Variants in SGCD observed in about 807,000 individuals in gnomAD.
SGCD encodes sarcoglycan delta.
In SGCD, 18 loss-of-function variants were observed where a neutral mutation model predicts 36.6. The observed-to-expected ratio is 0.49, with a 90% CI of 0.34 to 0.73. The LOEUF is 0.73. Ranked by LOEUF, SGCD falls within the 30% of genes least tolerant of loss-of-function variation. SGCD has a pLI of 0.01. For missense variants in SGCD, 387 were observed against 346.7 expected (o/e 1.12, Z -0.92); for synonymous variants, 133 against 130.6 (o/e 1.02, Z -0.12).
chr5:156,414,337 G>A (rs1296072917), intron 3 of SGCD, among the ~76,000 whole-genome samples: 10 of 152,118 alleles, frequency 6.6e-5, no homozygotes, highest in Admixed American at 4.6e-4. Context: ...AATTTTAAAT[G>A]TCCATCAATT....
chr5:155,933,178 G>A (rs556836938), intron 1 of SGCD, among the ~76,000 whole-genome samples: 1 of 152,240 alleles, frequency 6.6e-6, no homozygotes, highest in African/African-American at 2.4e-5. Flanking sequence ...AGCCGTAGGG[G>A]TCTTCTTGGT....
At chr5:156,476,064 T>G (rs546571635) in intron 3 of SGCD, among the ~76,000 whole-genome samples, 1 of 152,282 alleles carries the variant, frequency 6.6e-6, no homozygotes, top group Admixed American at 6.5e-5. Flanking sequence ...TCATGACTAA[T>G]GCTGAGCAGG....
chr5:156,247,475 C>T (rs1258460575), intron 3 of SGCD, among the ~76,000 whole-genome samples: 1 of 151,984 alleles, frequency 6.6e-6, no homozygotes, highest in Non-Finnish European at 1.5e-5. Flanking sequence ...GTAGGGAAAC[C>T]AGGTGAGAGG....
chr5:155,909,291 T>G (rs1270804620), intron 1 of SGCD, among the ~76,000 whole-genome samples: 1 of 152,132 alleles, frequency 6.6e-6, no homozygotes, highest in East Asian at 1.9e-4. Flanking sequence ...ACCTTAAAAA[T>G]AGTTGGTTTG....
intron 3 of SGCD, among the ~76,000 whole-genome samples, chr5:156,305,022 T>C (rs186274547): frequency 1.3e-5 from 2 of 152,296 alleles, no homozygotes; most frequent in African/African-American, 4.8e-5. Context: ...CATTCAGTTT[T>C]ATAAAAGAAG....
In SGCD at chr5:156,692,388, C is replaced by A. The variant is rs144914383; in HGVS notation, c.575+44852C>A. 7.0e-4 allele frequency among the ~76,000 whole-genome samples: 106 copies of A among 152,318 alleles called. 1 individual carries two copies. The highest frequency in any genetic ancestry group is 2.5e-3 in the African/African-American group (103 of 41,568). On this transcript the variant is annotated intron_variant, in intron 7 of 8. Coordinates refer to ENST00000337851, the MANE Select transcript of SGCD (RefSeq NM_000337.6). ...AAGTGCTAGATATCTGCCATTCCTG[C>A]ATCAGCAGCATGATGGAGTGGGGAG...
At chr5:156,637,693 G>A (rs1288386494) in intron 6 of SGCD, among the ~76,000 whole-genome samples, 2 of 151,942 alleles carry the variant, frequency 1.3e-5, no homozygotes, top group African/African-American at 4.8e-5. Context: ...CTTGGCCAGG[G>A]GAAAGGGGGA....
chr5:155,818,779 C>T, the SGCD span, among the ~76,000 whole-genome samples: 1 of 152,146 alleles, frequency 6.6e-6, no homozygotes, highest in South Asian at 2.1e-4. Context: ...CCCTGGCCTC[C>T]CAACATAATG....
At chr5:156,423,873 C>G (rs1185625864) in intron 3 of SGCD, among the ~76,000 whole-genome samples, 1 of 151,912 alleles carries the variant, frequency 6.6e-6, no homozygotes, top group Non-Finnish European at 1.5e-5. Context: ...AGAATTGTAC[C>G]AAGGAGTAAG....
chr5:156,358,764 A>G (rs989167298), intron 3 of SGCD, among the ~76,000 whole-genome samples: 7 of 152,228 alleles, frequency 4.6e-5, no homozygotes, highest in Admixed American at 2.0e-4. Flanking sequence ...GATTGCACAG[A>G]TGTTAAAAAT....
chr5:156,168,058 C>T (rs1763254658), intron 3 of SGCD, among the ~76,000 whole-genome samples: 1 of 152,168 alleles, frequency 6.6e-6, no homozygotes, highest in African/African-American at 2.4e-5. Context: ...ACATACATGA[C>T]AGGAAGACTT....
the SGCD span, among the ~76,000 whole-genome samples, chr5:155,820,092 G>C: frequency 4.6e-5 from 7 of 152,106 alleles, no homozygotes; most frequent in Non-Finnish European, 1.0e-4. Context: ...TGAGAATAGG[G>C]AAAACCAGTT....
At chr5:156,444,107 T>TCC (rs1753641494) in intron 3 of SGCD, among the ~76,000 whole-genome samples, 1 of 102,320 alleles carries the variant, frequency 9.8e-6, no homozygotes, top group Non-Finnish European at 1.8e-5. Flanking sequence ...TCTCTCTCTC[T>TCC]CTCTCTCTCC....
chr5:156,079,033 A>AG lies in SGCD; in HGVS notation c.-281-38845_-281-38844insG, dbSNP rs1387331964. 4.6e-4 allele frequency among the ~76,000 whole-genome samples: 61 copies of AG among 134,038 alleles called. 1 individual carries two copies. The highest frequency in any genetic ancestry group is 1.7e-3 in the Admixed American group (24 of 14,302). 87.9% of individuals were successfully genotyped at this position (134,038 alleles called of 152,430 possible). On this transcript the variant is annotated intron_variant, in intron 1 of 9. Transcript: ENST00000517913. ...GGGTAATTTGTAAAAAAAAAAAAAA[A>AG]AAAAGAAAAGTTTAATTGGCTCACA...
chr5:156,598,339 C>T (rs540716092), intron 6 of SGCD, among the ~76,000 whole-genome samples: 5 of 152,164 alleles, frequency 3.3e-5, no homozygotes, highest in African/African-American at 1.2e-4. Context: ...GTCAGGATTT[C>T]AAGACCAGCC....
intron 1 of SGCD, among the ~76,000 whole-genome samples, chr5:155,936,489 G>A (rs1161847381): frequency 6.6e-6 from 1 of 152,160 alleles, no homozygotes; most frequent in Non-Finnish European, 1.5e-5. Context: ...TCTCAGCAGA[G>A]AGGAGACCCT....
chr5:155,994,795 G>C (rs998428008), intron 1 of SGCD, among the ~76,000 whole-genome samples: 2 of 152,318 alleles, frequency 1.3e-5, no homozygotes, highest in Middle Eastern at 3.4e-3. Flanking sequence ...TCAAGCTGAA[G>C]TGCTTGGGTG....
intron 7 of SGCD, among the ~76,000 whole-genome samples, chr5:156,722,098 A>G (rs544802527): frequency 2.0e-5 from 3 of 152,206 alleles, no homozygotes; most frequent in Non-Finnish European, 4.4e-5. Flanking sequence ...GAGCGAAATC[A>G]TATTTCACTG....
chr5:156,400,043 G>C (rs894872823), intron 3 of SGCD, among the ~76,000 whole-genome samples: 4 of 152,178 alleles, frequency 2.6e-5, no homozygotes, highest in African/African-American at 9.7e-5. Flanking sequence ...AGGAGGGTAA[G>C]TAAGGCTGCT....
Sources: gnomAD v4.1 joint callset for allele counts (sites outside exome capture counted in the v4.1 genomes callset) on GRCh38, gnomAD v4.1.1 for gene constraint, MANE v1.5 for transcripts, NCBI Gene and HGNC (gene_info 2026-07-23, HGNC 2026-07-21) for gene names.